Variants in ZNF248 observed in about 807,000 individuals in gnomAD.
ZNF248 encodes the protein zinc finger protein 248, also known as KRAB protein domain.
A neutral mutation model predicts 44.3 loss-of-function variants in ZNF248; 20 were observed. The observed-to-expected ratio is 0.45, with a 90% confidence interval of 0.32 to 0.66. The LOEUF (loss-of-function observed/expected upper bound fraction) is 0.66, where lower values mean the gene tolerates loss of function less well. ZNF248 is among the 30% of genes least tolerant of loss of function. The probability of loss-of-function intolerance (pLI) is 0.04; values close to 1 mark genes in which losing one functional copy is unlikely to be tolerated. For missense variants in ZNF248, 654 were observed against 677.0 expected (o/e 0.97, Z 0.38); for synonymous variants, 224 against 229.0 (o/e 0.98, Z 0.20).
At chr10:37,820,448 C>A in intron 6 of ZNF248, 1 of 1,582,614 alleles carries the variant, frequency 6.3e-7, no homozygotes, top group Non-Finnish European at 8.7e-7. Flanking sequence ...TGCAGTGCTG[C>A]CATCTAAACC....
At chr10:37,852,808 T>C (rs1208664) in intron 3 of ZNF248, among the ~76,000 whole-genome samples, 9,077 of 151,814 alleles carry the variant, frequency 0.06, 353 homozygotes, top group Middle Eastern at 0.096. Flanking sequence ...AGAGATCTAA[T>C]AGGTGTAACT....
chr10:37,840,221 G>C lies in ZNF248; in HGVS notation c.16-2110C>G, dbSNP rs1012966654. On this transcript the variant is annotated intron_variant, in intron 3 of 5. Transcript: ENST00000395867. ...ATTCATGTTTTGCTCTGCAAAAGATGCTTCTACAAAAATGAAAAAACAAAC... is the reference window on the plus strand; with the variant it reads ...ATTCATGTTTTGCTCTGCAAAAGATCCTTCTACAAAAATGAAAAAACAAAC... Among the ~76,000 whole-genome samples, 3 of 152,164 alleles carry C rather than the reference G, an allele frequency of 2.0e-5. No homozygotes were observed. In the East Asian group the frequency reaches 5.8e-4, roughly 29 times the overall value.
chr10:37,766,058 G>A, the ZNF248 span, among the ~76,000 whole-genome samples: 2 of 152,270 alleles, frequency 1.3e-5, no homozygotes, highest in African/African-American at 4.8e-5. Context: ...CAACGCTGCG[G>A]GAGGGGCGCC....
chr10:37,851,768 CAAAAAAAAAA>C (rs57501241), intron 3 of ZNF248, among the ~76,000 whole-genome samples: 10 of 32,062 alleles, frequency 3.1e-4, no homozygotes, highest in South Asian at 1.5e-3. Context: ...TCAGAATGAC[CAAAAAAAAAA>C]AAAAAAAAAA....
chr10:37,833,952 G>A (rs1242370356), intron 5 of ZNF248, among the ~76,000 whole-genome samples: 1 of 152,022 alleles, frequency 6.6e-6, no homozygotes, highest in Non-Finnish European at 1.5e-5. Context: ...GTAAAGCATG[G>A]TTTACACCCT....
intron 6 of ZNF248, among the ~76,000 whole-genome samples, chr10:37,784,953 A>G (rs887825547): frequency 6.6e-6 from 1 of 152,168 alleles, no homozygotes; most frequent in African/African-American, 2.4e-5. Flanking sequence ...TTATTATACA[A>G]TTTGCGTCTC....
chr10:37,836,531 G>A (rs1416563948), intron 5 of ZNF248, among the ~76,000 whole-genome samples: 1 of 152,028 alleles, frequency 6.6e-6, no homozygotes, highest in Non-Finnish European at 1.5e-5. Context: ...CTCTCTGCCT[G>A]GACTACACTG....
At chr10:37,818,328 GT>G (rs1211027546) in intron 6 of ZNF248, among the ~76,000 whole-genome samples, 2 of 152,168 alleles carry the variant, frequency 1.3e-5, no homozygotes, top group African/African-American at 4.8e-5. Flanking sequence ...TTTCTTTTTA[GT>G]TTTTTCCTCA....
chr10:37,831,232 A>G lies in ZNF248; in HGVS notation c.*383T>C, dbSNP rs1261534093. 6.5e-7 allele frequency: 1 copy of G among 1,547,776 alleles called. No homozygotes were observed. The highest frequency in any genetic ancestry group is 1.4e-5 in the African/African-American group (1 of 72,928). On this transcript the variant is annotated 3_prime_UTR_variant, in exon 6 of 6. Transcript: ENST00000395867. ...CAAATTTATATATTTGCATACTCAC[A>G]TAAGGTCTACAAACATCGGGGACTC...
downstream of ZNF248, among the ~76,000 whole-genome samples, chr10:37,826,654 G>A (rs557653978): frequency 3.9e-5 from 6 of 152,238 alleles, no homozygotes; most frequent in South Asian, 2.1e-4. Flanking sequence ...AAAACCATAC[G>A]TAATAGTAGT....
chr10:37,812,500 C>T (rs2051677794), intron 6 of ZNF248, among the ~76,000 whole-genome samples: 1 of 152,164 alleles, frequency 6.6e-6, no homozygotes, highest in Non-Finnish European at 1.5e-5. Flanking sequence ...TAAACATCAG[C>T]TTCCAGTCTT....
chr10:37,776,878 T>G (rs1203298471), intron 6 of ZNF248, among the ~76,000 whole-genome samples: 1 of 152,128 alleles, frequency 6.6e-6, no homozygotes, highest in Admixed American at 6.5e-5. Flanking sequence ...ACTTGAACCC[T>G]CAGACCGTCA....
Position 37,834,127 on chromosome 10 carries a change from A to T in ZNF248, c.239-1011T>A, listed in dbSNP as rs143062175. Among the ~76,000 whole-genome samples the T allele has an allele frequency of 7.4e-3, 1,120 of 152,232 alleles. 13 individuals are homozygous for T. The highest frequency in any genetic ancestry group is 0.026 in the African/African-American group (1,078 of 41,550). On this transcript the variant is annotated intron_variant, in intron 5 of 5. Coordinates refer to ENST00000395867, the MANE Select transcript of ZNF248 (RefSeq NM_021045.3). ...CCTGGATATCCCTCAGTGAACTGCT[A>T]CTTTAACTTAAAAACAAAAACTAAT...
chr10:37,787,283 C>CA (rs998161351), intron 6 of ZNF248, among the ~76,000 whole-genome samples: 5 of 150,072 alleles, frequency 3.3e-5, no homozygotes, highest in Non-Finnish European at 5.9e-5. Context: ...TATCTCAAAA[C>CA]AAAAAAAATA....
intron 3 of ZNF248, among the ~76,000 whole-genome samples, chr10:37,851,020 G>A (rs1052995441): frequency 6.6e-6 from 1 of 152,034 alleles, no homozygotes; most frequent in Non-Finnish European, 1.5e-5. Context: ...CCAACAAGGA[G>A]AAAATATTTG....
At chr10:37,772,556 A>G (rs1327996840), downstream of ZNF248, among the ~76,000 whole-genome samples, 1 of 152,200 alleles carries the variant, frequency 6.6e-6, no homozygotes, top group East Asian at 1.9e-4. Flanking sequence ...TTATGTAAAT[A>G]TGGGTAAATA....
At chr10:37,772,261 T>C (rs1441643353), downstream of ZNF248, among the ~76,000 whole-genome samples, 1 of 146,016 alleles carries the variant, frequency 6.8e-6, no homozygotes, top group Admixed American at 6.8e-5. Flanking sequence ...TGAGACTGTC[T>C]CAAGAAAAAA....
intron 3 of ZNF248, among the ~76,000 whole-genome samples, chr10:37,841,900 C>T: frequency 6.6e-6 from 1 of 152,130 alleles, no homozygotes. Context: ...TCAAAACTGT[C>T]AGGGTTATCA....
At chr10:37,781,586 C>G (rs1167081101) in intron 6 of ZNF248, among the ~76,000 whole-genome samples, 1 of 152,158 alleles carries the variant, frequency 6.6e-6, no homozygotes, top group Non-Finnish European at 1.5e-5. Flanking sequence ...ATCTGTTAAC[C>G]CAGTCTGGGC....
Sources: gnomAD v4.1 joint callset for allele counts (sites outside exome capture counted in the v4.1 genomes callset) on GRCh38, gnomAD v4.1.1 for gene constraint, MANE v1.5 for transcripts, NCBI Gene and HGNC (gene_info 2026-07-23, HGNC 2026-07-21) for gene names.